TSPAN9: variants seen among roughly 807,000 people sequenced by gnomAD.
TSPAN9 encodes tetraspanin-9.
TSPAN9 carries 16 observed loss-of-function variants against 31.0 expected under a neutral mutation model. That is an observed-to-expected ratio of 0.52 (90% CI 0.35 to 0.78). The LOEUF (loss-of-function observed/expected upper bound fraction) is 0.78, where lower values mean the gene tolerates loss of function less well. Ranked by LOEUF, TSPAN9 falls within the 30% of genes least tolerant of loss-of-function variation. TSPAN9 has a pLI of 0.01. For synonymous variants in TSPAN9, 145 were observed against 121.6 expected (o/e 1.19, Z -1.27); for missense variants, 272 against 312.5 (o/e 0.87, Z 0.98).
At chr12:3,230,386 G>T (rs1326341350) in intron 3 of TSPAN9, among the ~76,000 whole-genome samples, 1 of 151,988 alleles carries the variant, frequency 6.6e-6, no homozygotes, top group African/African-American at 2.4e-5. Flanking sequence ...CCCCTCCCTT[G>T]TGAGCCTGAC....
chr12:3,216,698 G>C (rs1051162490), intron 3 of TSPAN9, among the ~76,000 whole-genome samples: 23 of 152,368 alleles, frequency 1.5e-4, no homozygotes, highest in Admixed American at 1.4e-3. Context: ...TCCGGAGGTG[G>C]TTCTGGCTTC....
At chr12:3,145,099 T>TC (rs1226600373) in intron 2 of TSPAN9, among the ~76,000 whole-genome samples, 2 of 152,048 alleles carry the variant, frequency 1.3e-5, no homozygotes, top group African/African-American at 4.8e-5. Flanking sequence ...TCCTTTTTCT[T>TC]CCCCCCACTC....
chr12:3,239,889 C>G (rs187831778), intron 3 of TSPAN9, among the ~76,000 whole-genome samples: 372 of 151,744 alleles, frequency 2.5e-3, no homozygotes, highest in African/African-American at 8.6e-3. Context: ...GGGAATAAAG[C>G]CAAAAAAACA....
intron 2 of TSPAN9, among the ~76,000 whole-genome samples, chr12:3,129,586 C>G (rs943709502): frequency 6.6e-6 from 1 of 152,156 alleles, no homozygotes; most frequent in Non-Finnish European, 1.5e-5. Flanking sequence ...CTTTGGCACT[C>G]AATTTGTCCA....
chr12:3,175,774 G>A (rs2098355200), intron 2 of TSPAN9, among the ~76,000 whole-genome samples: 1 of 152,152 alleles, frequency 6.6e-6, no homozygotes, highest in Admixed American at 6.5e-5. Context: ...CTGGGTGTGG[G>A]ACCGGCATCG....
intron 3 of TSPAN9, among the ~76,000 whole-genome samples, chr12:3,268,883 T>C (rs1380456470): frequency 2.6e-5 from 3 of 117,424 alleles, no homozygotes; most frequent in Non-Finnish European, 5.2e-5. Flanking sequence ...TGTGCGTTCC[T>C]GCAGCCTGCC....
chr12:3,281,790 G>T lies in TSPAN9; in HGVS notation c.621G>T (p.Thr207=). The change falls in exon 8 of 9, where the codon ACG becomes ACT. Residue 207 remains threonine, a synonymous_variant. Coordinates refer to ENST00000011898, the MANE Select transcript of TSPAN9 (RefSeq NM_006675.5). Reference sequence around the variant, plus strand: ...ATGACAATAAGCACGTGCTGGGCACGGTGGGGATGTGCATCCTCATCATGC... The same window carrying T: ...ATGACAATAAGCACGTGCTGGGCACTGTGGGGATGTGCATCCTCATCATGC... The part of the protein sequence containing the change: ...WFDDNKHVLG[T]VGMCILIMQI... 6.2e-7 allele frequency: 1 copy of T among 1,614,192 alleles called. No homozygotes were observed. The highest frequency in any genetic ancestry group is 2.2e-5 in the East Asian group (1 of 44,888).
intron 2 of TSPAN9, among the ~76,000 whole-genome samples, chr12:3,189,230 G>A (rs2098363061): frequency 6.6e-6 from 1 of 152,190 alleles, no homozygotes; most frequent in Non-Finnish European, 1.5e-5. Context: ...GGCTTCGGAG[G>A]TGGAGGGCAG....
Position 3,212,980 on chromosome 12 carries a change from GAGA to G in TSPAN9, c.63+11727_63+11729del, listed in dbSNP as rs2047568660. ...ACAAGCAGAGGGAGTGGGGAGGGTG[GAGA>G]AGGAGAAGGCAGGAAAAACATGGTG... On this transcript the variant is annotated intron_variant, in intron 3 of 8. Transcript: ENST00000011898. Among the ~76,000 whole-genome samples, 4 of 141,698 alleles carry G rather than the reference GAGA, an allele frequency of 2.8e-5. No homozygotes were observed. In the South Asian group the frequency reaches 8.7e-4, roughly 31 times the overall value. 93.0% of individuals were successfully genotyped at this position (141,698 alleles called of 152,430 possible).
At position 3,245,788 on chromosome 12, in the gene TSPAN9, AT is replaced by A. The variant is rs968883621; in HGVS notation, c.64-32628del. 8.5e-5 allele frequency among the ~76,000 whole-genome samples: 13 copies of A among 152,174 alleles called. No individual in the cohort carries two copies. The East Asian group carries it at 2.5e-3, about 30-fold the overall frequency. On this transcript the variant is annotated intron_variant, in intron 3 of 8. Transcript: ENST00000011898. ...AGCATGGATGCTGTATCTTATCTGC[AT>A]TTTTGGTAACTGGTGGAGGTCTCCA...
chr12:3,130,018 A>G (rs755474101), intron 2 of TSPAN9, among the ~76,000 whole-genome samples: 5 of 152,180 alleles, frequency 3.3e-5, no homozygotes, highest in Non-Finnish European at 7.3e-5. Context: ...TCTTGCGTGG[A>G]TCACCGATGT....
intron 5 of TSPAN9, 70 bp downstream of exon 5, chr12:3,279,136 G>T: frequency 1.4e-6 from 2 of 1,439,000 alleles, no homozygotes; most frequent in African/African-American, 1.4e-5. Context: ...AGCAGGCCAG[G>T]GTCCCTTCCC....
chr12:3,208,314 G>A (rs949402673), intron 3 of TSPAN9, among the ~76,000 whole-genome samples: 1 of 152,202 alleles, frequency 6.6e-6, no homozygotes, highest in African/African-American at 2.4e-5. Context: ...GGGGGCAGCT[G>A]GGAGGGCCAG....
intron 3 of TSPAN9, among the ~76,000 whole-genome samples, chr12:3,234,985 C>T (rs1190811195): frequency 6.8e-6 from 1 of 147,836 alleles, no homozygotes; most frequent in South Asian, 2.2e-4. Context: ...ACGGTGAAAC[C>T]CCATCTCTAC....
chr12:3,108,083 T>A (rs1030852268), intron 2 of TSPAN9, among the ~76,000 whole-genome samples: 26 of 152,324 alleles, frequency 1.7e-4, no homozygotes, highest in Middle Eastern at 6.8e-3. Context: ...GCCTTTCTTG[T>A]GTAACCCCAT....
At chr12:3,261,115 G>C (rs1031710798) in intron 3 of TSPAN9, among the ~76,000 whole-genome samples, 1 of 152,168 alleles carries the variant, frequency 6.6e-6, no homozygotes, top group African/African-American at 2.4e-5. Context: ...AACCAGGTCG[G>C]GAGAGTGGAA....
At chr12:3,106,583 A>G (rs2098314792) in intron 2 of TSPAN9, among the ~76,000 whole-genome samples, 1 of 152,126 alleles carries the variant, frequency 6.6e-6, no homozygotes, top group East Asian at 1.9e-4. Flanking sequence ...CACCCTCAGC[A>G]ACATAATGAG....
intron 3 of TSPAN9, among the ~76,000 whole-genome samples, chr12:3,229,009 G>T (rs922391921): frequency 2.0e-5 from 3 of 152,114 alleles, no homozygotes; most frequent in African/African-American, 7.2e-5. Context: ...GTTCCTGTTG[G>T]CATTTAGCCC....
Position 3,157,219 on chromosome 12 carries a change from C to T in TSPAN9, c.-17-43958C>T, listed in dbSNP as rs144311610. ...GGTTCACGCCATTCTCCTTCCTCAG[C>T]CTCCCGAGTAGCTGGGACTACGGGT... On this transcript the variant is annotated intron_variant, in intron 2 of 8. Coordinates refer to ENST00000011898, the MANE Select transcript of TSPAN9 (RefSeq NM_006675.5). Among the ~76,000 whole-genome samples the T allele has an allele frequency of 2.5e-3, 379 of 152,170 alleles. 1 individual carries two copies. The highest frequency in any genetic ancestry group is 8.8e-3 in the African/African-American group (366 of 41,512).
Sources: allele counts gnomAD v4.1 joint callset (sites outside exome capture counted in the v4.1 genomes callset), GRCh38; gene constraint gnomAD v4.1.1; transcripts MANE v1.5; gene names NCBI Gene and HGNC (gene_info 2026-07-23, HGNC 2026-07-21).